ANKRD30A: variants seen among roughly 807,000 people sequenced by gnomAD.
ANKRD30A encodes ankyrin repeat domain 30A.
In ANKRD30A, 170 loss-of-function variants were observed where a neutral mutation model predicts 166.3. The ratio of observed to expected loss-of-function variants is 1.02; its 90% CI spans 0.90 to 1.16. ANKRD30A has a LOEUF of 1.16. ANKRD30A is among the 50% of genes most tolerant of loss of function. The pLI, the probability that ANKRD30A is intolerant of heterozygous loss-of-function variation, is 0.00. For synonymous variants in ANKRD30A, 564 were observed against 508.9 expected, an observed-to-expected ratio of 1.11 and a Z score of -1.46; for missense variants, 1,630 against 1,518.0, an observed-to-expected ratio of 1.07 and a Z score of -1.23.
chr10:37,191,900 C>A (rs753225711), intron 25 of ANKRD30A, among the ~76,000 whole-genome samples: 13 of 152,028 alleles, frequency 8.6e-5, no homozygotes, highest in Admixed American at 3.9e-4. Context: ...GAGGCTGAGA[C>A]AAAAGAATGG....
chr10:37,194,475 G>C lies in ANKRD30A; in HGVS notation c.2614+1217G>C, dbSNP rs534337562. Among the ~76,000 whole-genome samples the C allele has an allele frequency of 2.0e-5, 3 of 151,934 alleles. No individual in the cohort carries two copies. In the South Asian group the frequency reaches 6.3e-4, roughly 32 times the overall value. On this transcript the variant is annotated intron_variant, in intron 27 of 35. Transcript: ENST00000361713. ...CCTGCCTCAGCCTCCCGAGTAGCTG[G>C]GACTCCAGGCGCGTGCCACCACGCC...
At chr10:37,201,735 A>T (rs1331299222) in intron 31 of ANKRD30A, among the ~76,000 whole-genome samples, 4 of 152,076 alleles carry the variant, frequency 2.6e-5, no homozygotes, top group South Asian at 2.1e-4. Flanking sequence ...AAGAATATAA[A>T]GTGACCTTCT....
intron 29 of ANKRD30A, among the ~76,000 whole-genome samples, chr10:37,197,934 G>T (rs1028914211): frequency 6.6e-6 from 1 of 151,878 alleles, no homozygotes; most frequent in Non-Finnish European, 1.5e-5. Context: ...CAGTAACTCG[G>T]ATTAGTGAAC....
At chr10:37,207,135 A>G (rs1021242375) in intron 31 of ANKRD30A, among the ~76,000 whole-genome samples, 1 of 152,166 alleles carries the variant, frequency 6.6e-6, no homozygotes, top group African/African-American at 2.4e-5. Context: ...TGTATGGAAA[A>G]CAATGAATAT....
At chr10:37,131,614 T>A (rs1836385454) in intron 3 of ANKRD30A, among the ~76,000 whole-genome samples, 1 of 152,158 alleles carries the variant, frequency 6.6e-6, no homozygotes, top group Admixed American at 6.5e-5. Context: ...CAAGCGAGTT[T>A]GTATCACCCA....
intron 13 of ANKRD30A, among the ~76,000 whole-genome samples, chr10:37,156,103 G>T (rs1838362051): frequency 6.6e-6 from 1 of 151,698 alleles, no homozygotes; most frequent in Non-Finnish European, 1.5e-5. Flanking sequence ...ATCATAGTGT[G>T]CATTTTTACT....
chr10:37,178,553 CA>C (rs1194068484), intron 24 of ANKRD30A: 1 of 979,142 alleles, frequency 1.0e-6, no homozygotes, highest in Admixed American at 6.2e-5. Flanking sequence ...GGAAGCAGAG[CA>C]ACTGGATAGA....
chr10:37,222,062 C>T (rs1275740232), intron 34 of ANKRD30A, among the ~76,000 whole-genome samples: 2 of 151,302 alleles, frequency 1.3e-5, no homozygotes, highest in South Asian at 2.1e-4. Flanking sequence ...TATCTTGATA[C>T]TGCCATTGGA....
intron 24 of ANKRD30A, among the ~76,000 whole-genome samples, chr10:37,178,853 G>A (rs1839941319): frequency 6.6e-6 from 1 of 150,782 alleles, no homozygotes; most frequent in Non-Finnish European, 1.5e-5. Flanking sequence ...GATTTTCTAT[G>A]AAGGAAAATG....
intron 27 of ANKRD30A, among the ~76,000 whole-genome samples, chr10:37,194,893 C>T (rs181207080): frequency 3.2e-4 from 49 of 152,120 alleles, no homozygotes; most frequent in African/African-American, 8.9e-4. Flanking sequence ...ACTGCTTCAT[C>T]CACTGTTAGA....
intron 31 of ANKRD30A, among the ~76,000 whole-genome samples, chr10:37,212,489 T>C (rs572177129): frequency 5.3e-5 from 8 of 152,132 alleles, no homozygotes; most frequent in Non-Finnish European, 1.2e-4. Flanking sequence ...AAGCTACCAA[T>C]GACCTTCTTC....
In ANKRD30A at chr10:37,183,017, C is replaced by T. The variant is rs1171854235; in HGVS notation, c.2422-6450C>T. ...TTAGCTCTGCTTTGATTTAAGGCCT[C>T]ATAGTTTGCCATGTTAACTCTAAAA... is the stretch of plus-strand genomic sequence containing the variant. On this transcript the variant is annotated intron_variant, in intron 24 of 35. Transcript: ENST00000361713. Among the ~76,000 whole-genome samples, 6 of 150,234 alleles carry T rather than the reference C, an allele frequency of 4.0e-5. No individual in the cohort carries two copies. The South Asian group carries it at 1.1e-3, about 27-fold the overall frequency.
intron 27 of ANKRD30A, 146 bp downstream of exon 27, chr10:37,193,404 G>C: frequency 8.1e-7 from 1 of 1,241,572 alleles, no homozygotes; most frequent in Non-Finnish European, 1.1e-6. Context: ...GAGTATTTCT[G>C]TTTGAGAAAA....
chr10:37,126,576 C>T (rs779102386), intron 1 of ANKRD30A, among the ~76,000 whole-genome samples: 1 of 152,120 alleles, frequency 6.6e-6, no homozygotes, highest in Admixed American at 6.5e-5. Flanking sequence ...TTTAAGAAGA[C>T]TCATTTTTCT....
At chr10:37,251,617 A>G in the ANKRD30A span, among the ~76,000 whole-genome samples, 2 of 152,020 alleles carry the variant, frequency 1.3e-5, no homozygotes, top group South Asian at 4.2e-4. Flanking sequence ...AAGACAGGAA[A>G]TCTTACCAAT....
At chr10:37,251,594 G>A in the ANKRD30A span, among the ~76,000 whole-genome samples, 1 of 151,834 alleles carries the variant, frequency 6.6e-6, no homozygotes, top group South Asian at 2.1e-4. Context: ...GATACTGTGT[G>A]GATCATGTCA....
rs1183898474 is a variant in ANKRD30A, at chr10:37,126,889, A to G, written c.221+881A>G. 3.9e-5 allele frequency among the ~76,000 whole-genome samples: 6 copies of G among 152,044 alleles called. No individual in the cohort carries two copies. The East Asian group carries it at 9.7e-4, about 25-fold the overall frequency. ...ATGGTGAAACGCCGTCTCTACAAAA[A>G]TACAAAAATTAGCCGGGCATGATGT... On this transcript the variant is annotated intron_variant, in intron 1 of 35. Coordinates refer to ENST00000361713, the MANE Select transcript of ANKRD30A (RefSeq NM_052997.3).
chr10:37,166,231 G>A (rs1022237080), intron 18 of ANKRD30A, among the ~76,000 whole-genome samples: 1 of 152,150 alleles, frequency 6.6e-6, no homozygotes, highest in Non-Finnish European at 1.5e-5. Flanking sequence ...GTCCAGGCAA[G>A]TAGCAAATGC....
intron 32 of ANKRD30A, among the ~76,000 whole-genome samples, 164 bp downstream of exon 32, chr10:37,216,558 A>T (rs1234024627): frequency 6.6e-6 from 1 of 151,310 alleles, no homozygotes; most frequent in Non-Finnish European, 1.5e-5. Flanking sequence ...TTAAATGTGA[A>T]TACTTCTGCT....
Sources: allele counts gnomAD v4.1 joint callset (sites outside exome capture counted in the v4.1 genomes callset), GRCh38; gene constraint gnomAD v4.1.1; transcripts MANE v1.5; gene names NCBI Gene and HGNC (gene_info 2026-07-23, HGNC 2026-07-21).